JAK1: variants seen among roughly 807,000 people sequenced by gnomAD.
JAK1 encodes the protein Janus kinase 1.
Under a neutral mutation model 136.6 loss-of-function variants are expected in JAK1, and 16 were observed. The observed-to-expected ratio is 0.12, with a 90% CI of 0.08 to 0.18. The LOEUF (loss-of-function observed/expected upper bound fraction) is 0.18, where lower values mean the gene tolerates loss of function less well. Ranked by LOEUF, JAK1 falls within the 10% of genes least tolerant of loss-of-function variation. The pLI is 1.00. For missense variants in JAK1, 859 were observed against 1,450.1 expected, an observed-to-expected ratio of 0.59 and a Z score of 6.62; for synonymous variants, 492 against 519.5, an observed-to-expected ratio of 0.95 and a Z score of 0.72.
At chr1:64,897,158 G>A (rs1446712012) in intron 1 of JAK1, among the ~76,000 whole-genome samples, 3 of 151,816 alleles carry the variant, frequency 2.0e-5, no homozygotes, top group South Asian at 2.1e-4. Context: ...GGTTGGGCAC[G>A]ATGGCTCACG....
chr1:65,066,681 G>C (rs970058918), intron 1 of JAK1: 1 of 152,478 alleles, frequency 6.6e-6, no homozygotes, highest in African/African-American at 2.4e-5. Flanking sequence ...GGCGCCGCGC[G>C]GGGCTCGCCC....
intron 2 of JAK1, among the ~76,000 whole-genome samples, chr1:65,025,503 T>C (rs886750590): frequency 2.6e-5 from 4 of 152,090 alleles, no homozygotes; most frequent in Non-Finnish European, 5.9e-5. Context: ...AATACTATTA[T>C]TGACACAGGA....
At chr1:64,885,525 G>T (rs1216748064) in intron 2 of JAK1, among the ~76,000 whole-genome samples, 1 of 152,020 alleles carries the variant, frequency 6.6e-6, no homozygotes, top group Admixed American at 6.5e-5. Flanking sequence ...AGGCCAAGGC[G>T]GGCGGATCAC....
At chr1:64,973,979 C>T (rs1359660158) in intron 2 of JAK1, 1 of 151,896 alleles carries the variant, frequency 6.6e-6, no homozygotes, top group Admixed American at 6.6e-5. Flanking sequence ...AGCTATAATT[C>T]AGTAAAGAAA....
At position 64,966,519 on chromosome 1, in the gene JAK1, C is replaced by T. The variant is rs1234227238; in HGVS notation, c.-264G>A. ...CACTGTCTGCAGCTCCAGGATACTC[C>T]GCGGCCGCCGCGGCCTGCGCTCAGC... On this transcript the variant is annotated 5_prime_UTR_variant, in exon 1 of 25. Transcript: ENST00000342505. 6.7e-6 allele frequency: 1 copy of T among 150,158 alleles called. No individual in the cohort carries two copies. Among genetic ancestry groups the T allele is most frequent in the Non-Finnish European group, 1.5e-5 (1 of 67,324 alleles). 9.3% of individuals were successfully genotyped at this position (150,158 alleles called of 1,614,324 possible).
intron 23 of JAK1, among the ~76,000 whole-genome samples, 166 bp from the exon 24 acceptor site, chr1:64,835,672 C>A (rs1236472798): frequency 2.0e-5 from 3 of 152,178 alleles, no homozygotes; most frequent in Non-Finnish European, 4.4e-5. Context: ...TATTAGCTTT[C>A]AATGATCTGT....
intron 2 of JAK1, chr1:65,002,508 G>A (rs1557752830): frequency 6.6e-6 from 1 of 152,220 alleles, no homozygotes. Context: ...ATTATAGTAT[G>A]TACATCACAA....
At chr1:65,066,284 C>G (rs1227722019) in intron 1 of JAK1, among the ~76,000 whole-genome samples, 1 of 152,144 alleles carries the variant, frequency 6.6e-6, no homozygotes, top group African/African-American at 2.4e-5. Flanking sequence ...CAAGTCCCCT[C>G]CCCCTTCCTG....
At chr1:65,002,803 A>G (rs368719143) in intron 2 of JAK1, among the ~76,000 whole-genome samples, 8 of 152,166 alleles carry the variant, frequency 5.3e-5, no homozygotes, top group Non-Finnish European at 1.2e-4. Flanking sequence ...CGCCTGCCGC[A>G]GTTCCCGCTC....
chr1:64,845,554 A>G lies in JAK1; in HGVS notation c.2074T>C (p.Phe692Leu). 1 of 1,614,146 alleles carries G rather than the reference A, an allele frequency of 6.2e-7. No individual in the cohort carries two copies. The highest frequency in any genetic ancestry group is 8.5e-7 in the Non-Finnish European group (1 of 1,180,024). The change falls in exon 15 of 25, where the codon TTC becomes CTC. Residue 692 changes from phenylalanine (F) to leucine (L), a missense_variant. By Grantham distance (22) the Phe-to-Leu change is conservative (BLOSUM62 0). This residue lies in a region of JAK1 where 409 missense variants were observed against 753.8 expected (regional missense o/e 0.54). Transcript: ENST00000342505. ...KSDVLTTPWK[F>L]KVAKQLASAL... ...CTGGCCAGCTGTTTGGCAACTTTGA[A>G]TTTCCATGGTGTGGTAAGGACATCG...
At chr1:65,047,403 T>C (rs1167930189) in intron 1 of JAK1, among the ~76,000 whole-genome samples, 1 of 152,162 alleles carries the variant, frequency 6.6e-6, no homozygotes, top group Non-Finnish European at 1.5e-5. Context: ...TCCTACTTGG[T>C]AGGGACTTAT....
intron 2 of JAK1, among the ~76,000 whole-genome samples, chr1:64,995,279 G>T (rs1646694584): frequency 6.6e-6 from 1 of 152,074 alleles, no homozygotes; most frequent in Non-Finnish European, 1.5e-5. Context: ...GCAGTAATGG[G>T]AACTATGCCC....
intron 11 of JAK1, among the ~76,000 whole-genome samples, chr1:64,854,488 C>T (rs1403318251): frequency 2.6e-5 from 4 of 152,144 alleles, no homozygotes; most frequent in South Asian, 2.1e-4. Context: ...CACTCAAGCC[C>T]CTCTTTGACG....
At chr1:65,035,808 C>T (rs1167579324) in intron 2 of JAK1, among the ~76,000 whole-genome samples, 4 of 152,148 alleles carry the variant, frequency 2.6e-5, no homozygotes, top group Admixed American at 6.5e-5. Flanking sequence ...GTGGTTCACG[C>T]CTGTAATCCC....
chr1:64,883,167 G>A (rs540912650), intron 3 of JAK1, 110 bp downstream of exon 3: 1 of 844,650 alleles, frequency 1.2e-6, no homozygotes, highest in African/African-American at 1.7e-5. Context: ...CCTGACTCCA[G>A]AGTCCACAAC....
intron 2 of JAK1, among the ~76,000 whole-genome samples, chr1:65,038,797 C>G (rs531399357): frequency 1.1e-4 from 16 of 152,272 alleles, no homozygotes; most frequent in African/African-American, 3.9e-4. Flanking sequence ...CACCACCACA[C>G]CCAGCTAATT....
At chr1:64,835,330 G>A (rs1006052036) in intron 24 of JAK1, 66 bp downstream of exon 24, 19 of 828,828 alleles carry the variant, frequency 2.3e-5, no homozygotes, top group Admixed American at 2.3e-4. Context: ...CCCATTGCTG[G>A]ACAACTCAAG....
chr1:65,023,229 A>G (rs1187303430), intron 2 of JAK1, among the ~76,000 whole-genome samples: 3 of 151,922 alleles, frequency 2.0e-5, no homozygotes, highest in Non-Finnish European at 4.4e-5. Context: ...CAGCCTCCCA[A>G]GTATCTGGAG....
chr1:64,866,362 T>C (rs1656707776), intron 7 of JAK1, among the ~76,000 whole-genome samples: 1 of 152,190 alleles, frequency 6.6e-6, no homozygotes, highest in Non-Finnish European at 1.5e-5. Context: ...AAATATCTCA[T>C]AAAGAAGCTC....
Sources: gnomAD v4.1 joint callset for allele counts (sites outside exome capture counted in the v4.1 genomes callset) on GRCh38, gnomAD v4.1.1 for gene constraint, gnomAD v4.1.1 regional missense constraint, MANE v1.5 for transcripts, NCBI Gene and HGNC (gene_info 2026-07-23, HGNC 2026-07-21) for gene names.